NRXN1: variants seen among roughly 807,000 people sequenced by gnomAD.
The protein encoded by NRXN1 is neurexin-1.
Under a neutral mutation model 150.9 loss-of-function variants are expected in NRXN1, and 39 were observed. The ratio of observed to expected loss-of-function variants is 0.26; its 90% CI spans 0.20 to 0.34. The LOEUF (loss-of-function observed/expected upper bound fraction) is 0.34, where lower values mean the gene tolerates loss of function less well. Ranked by LOEUF, NRXN1 falls within the 10% of genes least tolerant of loss-of-function variation. The pLI is 1.00. For synonymous variants in NRXN1, 924 were observed against 757.0 expected (o/e 1.22, Z -3.62); for missense variants, 1,815 against 1,949.9 (o/e 0.93, Z 1.30).
chr2:50,115,171 C>A (rs1702874733), intron 18 of NRXN1, among the ~76,000 whole-genome samples: 1 of 143,488 alleles, frequency 7.0e-6, no homozygotes. Context: ...GAACCTAAAA[C>A]TACTCTAAAG....
At chr2:50,958,085 T>C (rs535477964) in intron 2 of NRXN1, among the ~76,000 whole-genome samples, 34 of 152,274 alleles carry the variant, frequency 2.2e-4, no homozygotes, top group African/African-American at 6.7e-4. Context: ...TCTCAGTGCC[T>C]TTCTGGGCCA....
At chr2:50,904,444 G>A (rs1255491388) in intron 5 of NRXN1, among the ~76,000 whole-genome samples, 1 of 152,032 alleles carries the variant, frequency 6.6e-6, no homozygotes, top group Non-Finnish European at 1.5e-5. Context: ...GAACATAAAC[G>A]ATGGTAAAAT....
intron 21 of NRXN1, among the ~76,000 whole-genome samples, chr2:50,043,023 C>T (rs1412452528): frequency 6.6e-6 from 1 of 152,076 alleles, no homozygotes; most frequent in African/African-American, 2.4e-5. Flanking sequence ...GCAGATGAGT[C>T]AGTATATCAG....
intron 5 of NRXN1, among the ~76,000 whole-genome samples, chr2:50,843,063 A>C (rs1673108878): frequency 6.6e-6 from 1 of 152,188 alleles, no homozygotes. Context: ...ATCGCTAAAG[A>C]AAAATAAACA....
chr2:50,801,590 C>G (rs1707602676), intron 5 of NRXN1, among the ~76,000 whole-genome samples: 1 of 152,070 alleles, frequency 6.6e-6, no homozygotes, highest in South Asian at 2.1e-4. Context: ...TAAACAAAAA[C>G]AAACCCAGAT....
chr2:50,446,464 C>T (rs547002290), intron 17 of NRXN1, among the ~76,000 whole-genome samples: 2 of 133,076 alleles, frequency 1.5e-5, no homozygotes, highest in East Asian at 5.0e-4. Flanking sequence ...TTCCCCTGTT[C>T]CTCCCTCCCT....
chr2:50,174,050 T>A (rs139172417), intron 18 of NRXN1, among the ~76,000 whole-genome samples: 345 of 152,230 alleles, frequency 2.3e-3, no homozygotes, highest in Non-Finnish European at 4.1e-3. Flanking sequence ...ATAAAAAAAA[T>A]TGATTTATAT....
At chr2:50,876,442 T>A (rs978023085) in intron 5 of NRXN1, among the ~76,000 whole-genome samples, 3 of 151,854 alleles carry the variant, frequency 2.0e-5, no homozygotes, top group Non-Finnish European at 2.9e-5. Flanking sequence ...AATTCTTTTT[T>A]AATATTTACT....
chr2:49,990,561 T>C (rs1044029377), intron 21 of NRXN1, among the ~76,000 whole-genome samples: 2 of 152,148 alleles, frequency 1.3e-5, no homozygotes, highest in Non-Finnish European at 2.9e-5. Context: ...CAAGAGATAA[T>C]AGTGGCTTGC....
intron 17 of NRXN1, among the ~76,000 whole-genome samples, chr2:50,373,165 C>G (rs1215035371): frequency 1.3e-5 from 2 of 151,906 alleles, no homozygotes; most frequent in African/African-American, 4.8e-5. Context: ...CTATGAGAGC[C>G]TCCTCTGCCT....
At chr2:50,501,561 G>C (rs1053304855) in intron 13 of NRXN1, among the ~76,000 whole-genome samples, 13 of 151,982 alleles carry the variant, frequency 8.6e-5, no homozygotes, top group African/African-American at 3.1e-4. Flanking sequence ...ATGAAGGAAG[G>C]GAATGATGAT....
Position 50,205,425 on chromosome 2 carries a change from C to G in NRXN1, c.3546+31364G>C, listed in dbSNP as rs2062496246. 2.6e-5 allele frequency among the ~76,000 whole-genome samples: 4 copies of G among 152,022 alleles called. 1 individual carries two copies. In the South Asian group the frequency reaches 8.3e-4, roughly 32 times the overall value. On this transcript the variant is annotated intron_variant, in intron 18 of 22. Transcript: ENST00000401669. ...AAAAATACTAATGATCAACAGAAGA[C>G]TACATGAAGGCAGTAACTCTAATAT... is the stretch of plus-strand genomic sequence containing the variant.
rs1573421812 is a variant in NRXN1, at chr2:50,530,637, C to A, written c.2347+590G>T. 3.9e-5 allele frequency among the ~76,000 whole-genome samples: 6 copies of A among 152,190 alleles called. No homozygotes were observed. In the South Asian group the frequency reaches 1.2e-3, roughly 32 times the overall value. On this transcript the variant is annotated intron_variant, in intron 11 of 22. Transcript: ENST00000401669. ...GCCTGTGTCTCTAGTGTTCTCATGGCTGTTTGCTAAGGGCCGCAGACTTTG... is the reference window on the plus strand; with the variant it reads ...GCCTGTGTCTCTAGTGTTCTCATGGATGTTTGCTAAGGGCCGCAGACTTTG...
intron 17 of NRXN1, among the ~76,000 whole-genome samples, chr2:50,266,449 T>C (rs1166812223): frequency 6.8e-6 from 1 of 147,860 alleles, no homozygotes; most frequent in African/African-American, 2.5e-5. Context: ...TATTTTATTA[T>C]AATTATATAT....
chr2:50,352,319 C>A (rs1006917270), intron 17 of NRXN1, among the ~76,000 whole-genome samples: 3 of 152,078 alleles, frequency 2.0e-5, no homozygotes, highest in Admixed American at 6.6e-5. Flanking sequence ...TTACAAAAAT[C>A]AACCTTTTTG....
At chr2:49,926,878 G>A (rs1046602971) in intron 22 of NRXN1, among the ~76,000 whole-genome samples, 7 of 152,178 alleles carry the variant, frequency 4.6e-5, no homozygotes, top group African/African-American at 1.7e-4. Flanking sequence ...GTACAGACCA[G>A]AGAGGGCTGT....
intron 21 of NRXN1, among the ~76,000 whole-genome samples, chr2:49,978,432 A>G (rs910728548): frequency 2.0e-5 from 3 of 152,072 alleles, no homozygotes; most frequent in Non-Finnish European, 2.9e-5. Flanking sequence ...CTATCCATAG[A>G]TAAGGTTTCT....
At chr2:50,489,903 G>GCATGGGAAGGGAATA (rs2091146667) in intron 15 of NRXN1, among the ~76,000 whole-genome samples, 1 of 139,560 alleles carries the variant, frequency 7.2e-6, no homozygotes, top group African/African-American at 3.4e-5. Flanking sequence ...GGAAGGGAAT[G>GCATGGGAAGGGAATA]TTTTAATCCC....
intron 2 of NRXN1, among the ~76,000 whole-genome samples, chr2:50,960,152 T>C (rs917175403): frequency 2.6e-5 from 4 of 151,764 alleles, no homozygotes; most frequent in African/African-American, 7.3e-5. Context: ...GATGAAAAAA[T>C]AAACATTAAA....
Sources: gnomAD v4.1 joint callset for allele counts (sites outside exome capture counted in the v4.1 genomes callset) on GRCh38, gnomAD v4.1.1 for gene constraint, MANE v1.5 for transcripts, NCBI Gene and HGNC (gene_info 2026-07-23, HGNC 2026-07-21) for gene names.